RYR3: variants seen among roughly 807,000 people sequenced by gnomAD.
RYR3 encodes brain ryanodine receptor-calcium release channel.
In RYR3, 207 loss-of-function variants were observed where a neutral mutation model predicts 584.3. The observed-to-expected ratio is 0.35, with a 90% CI of 0.32 to 0.40. The LOEUF is 0.40. RYR3 is among the 10% of genes least tolerant of loss of function. The pLI is 1.00. For missense variants in RYR3, 5,616 were observed against 6,089.2 expected (o/e 0.92, Z 2.59); for synonymous variants, 2,416 against 2,248.5 (o/e 1.07, Z -2.11).
intron 17 of RYR3, among the ~76,000 whole-genome samples, chr15:33,602,868 C>T (rs977458421): frequency 3.3e-5 from 5 of 151,098 alleles, no homozygotes; most frequent in South Asian, 4.2e-4. Context: ...ACCTCACCCT[C>T]GCAAGTAGCT....
chr15:33,587,704 C>T (rs1015870128), intron 16 of RYR3, among the ~76,000 whole-genome samples: 4 of 152,284 alleles, frequency 2.6e-5, no homozygotes, highest in South Asian at 2.1e-4. Flanking sequence ...TTTTCAAAGA[C>T]GTTCCTTTTC....
intron 3 of RYR3, among the ~76,000 whole-genome samples, chr15:33,518,462 C>T (rs1295465737): frequency 6.6e-6 from 1 of 151,952 alleles, no homozygotes; most frequent in Non-Finnish European, 1.5e-5. Flanking sequence ...GCTGGCCGCT[C>T]CCCCTCCTCT....
chr15:33,749,194 C>G (rs1442870392), intron 55 of RYR3, among the ~76,000 whole-genome samples: 1 of 152,170 alleles, frequency 6.6e-6, no homozygotes, highest in East Asian at 1.9e-4. Context: ...AATGGAGGTG[C>G]TTGCTGGTCA....
In RYR3 at chr15:33,540,805, A is replaced by T. The variant is rs2055756292; in HGVS notation, c.561A>T (p.Ser187=). Residue 187 remains serine, a synonymous_variant, in exon 7 of 104, where the codon TCA becomes TCT. Coordinates refer to ENST00000634891, the MANE Select transcript of RYR3 (RefSeq NM_001036.6). Reference sequence around the variant, plus strand: ...TTCTGCTGCAGCATCTCTCAGTATCAAATGGTAACATACAAGTGGATGCCT... The same window carrying T: ...TTCTGCTGCAGCATCTCTCAGTATCTAATGGTAACATACAAGTGGATGCCT... The part of the protein sequence containing the change: ...SSERYLHLSV[S]NGNIQVDASF... 6.2e-7 allele frequency: 1 copy of T among 1,608,670 alleles called. No homozygotes were observed.
At chr15:33,783,096 CT>C (rs1160203806) in intron 65 of RYR3, among the ~76,000 whole-genome samples, 1 of 152,196 alleles carries the variant, frequency 6.6e-6, no homozygotes, top group African/African-American at 2.4e-5. Context: ...GCACACAAGA[CT>C]TTAGAATCTA....
rs1208006923 is a variant in RYR3, at chr15:33,853,562, A to G, written c.13679A>G (p.Asn4560Ser). The change falls in exon 96 of 104, where the codon AAC becomes AGC. Residue 4560 changes from asparagine (N) to serine (S), a missense_variant. This residue lies in a region of RYR3 where 918 missense variants were observed against 887.4 expected (regional missense o/e 1.03). Transcript: ENST00000634891. ...TGTCATCCTTTGCTTCAGGTGATCA[A>G]CAAGTATGGAGATCTCTACGGAGCA... ...WDKFVKRKVI[N>S]KYGDLYGAER... The G allele has an allele frequency of 1.9e-6, 3 of 1,613,608 alleles. No individual in the cohort carries two copies. The highest frequency in any genetic ancestry group is 1.7e-6 in the Non-Finnish European group (2 of 1,179,720).
At chr15:33,381,771 T>C (rs1030798984) in intron 1 of RYR3, among the ~76,000 whole-genome samples, 1 of 152,198 alleles carries the variant, frequency 6.6e-6, no homozygotes, top group Non-Finnish European at 1.5e-5. Context: ...GCTCACCCAC[T>C]TCAGCCTCCT....
chr15:33,326,119 C>T (rs920458617), intron 1 of RYR3, among the ~76,000 whole-genome samples: 1 of 152,012 alleles, frequency 6.6e-6, no homozygotes, highest in Non-Finnish European at 1.5e-5. Context: ...CTTTCTTACA[C>T]GAGTCTGTTG....
chr15:33,789,622 TTTTATATATATATATATATATA>T (rs1184802894), intron 67 of RYR3, among the ~76,000 whole-genome samples: 49 of 32,380 alleles, frequency 1.5e-3, no homozygotes, highest in East Asian at 7.0e-3. Context: ...CCAGGTTTTA[TTTTATATATATATATATATATA>T]TATATATATA....
chr15:33,643,214 C>T (rs1323703828), intron 27 of RYR3, among the ~76,000 whole-genome samples: 2 of 152,114 alleles, frequency 1.3e-5, no homozygotes, highest in Admixed American at 6.5e-5. Context: ...AACTCCAGCC[C>T]CTGCCTCATC....
intron 54 of RYR3, 89 bp downstream of exon 54, chr15:33,748,349 C>A (rs2070955611): frequency 6.5e-7 from 1 of 1,537,824 alleles, no homozygotes; most frequent in Non-Finnish European, 8.9e-7. Flanking sequence ...GTAGGTGGGA[C>A]CATCTAAGAT....
intron 1 of RYR3, among the ~76,000 whole-genome samples, chr15:33,408,227 A>G (rs1400194527): frequency 6.6e-6 from 1 of 152,184 alleles, no homozygotes; most frequent in Non-Finnish European, 1.5e-5. Flanking sequence ...CCTAATGCTT[A>G]GCTGACACTT....
chr15:33,757,982 C>A (rs528041159), intron 60 of RYR3, among the ~76,000 whole-genome samples: 1 of 152,172 alleles, frequency 6.6e-6, no homozygotes, highest in African/African-American at 2.4e-5. Flanking sequence ...GTGGGTGCAG[C>A]CCAAGGAGGG....
chr15:33,646,993 C>T (rs1267291716), intron 29 of RYR3, among the ~76,000 whole-genome samples: 2 of 152,204 alleles, frequency 1.3e-5, no homozygotes, highest in Non-Finnish European at 2.9e-5. Context: ...ATATCCCTTG[C>T]TGTCTTTCTT....
In RYR3 at chr15:33,473,538, G is replaced by A; in HGVS notation, c.171G>A (p.Lys57=). 1 of 1,613,982 alleles carries A rather than the reference G, an allele frequency of 6.2e-7. No homozygotes were observed. Among genetic ancestry groups the A allele is most frequent in the Non-Finnish European group, 8.5e-7 (1 of 1,179,862 alleles). The part of the protein sequence containing the change: ...LCFLEPTSEA[K]YIPPDLCVCN... ...TCTTGGAACCCACTTCAGAAGCCAA[G>A]GTGAGATTGGCTGTCCGCCCTACAC... The change falls in exon 2 of 104, where the codon AAG becomes AAA. Residue 57 remains lysine, a splice_region_variant and synonymous_variant. Transcript: ENST00000634891.
At chr15:33,805,424 G>A (rs2076130733) in intron 69 of RYR3, among the ~76,000 whole-genome samples, 1 of 150,788 alleles carries the variant, frequency 6.6e-6, no homozygotes, top group Non-Finnish European at 1.5e-5. Context: ...GAATTTTCTT[G>A]CTCATTCTCC....
chr15:33,321,411 A>G (rs1177137625), intron 1 of RYR3, among the ~76,000 whole-genome samples: 3 of 152,130 alleles, frequency 2.0e-5, no homozygotes, highest in Non-Finnish European at 4.4e-5. Context: ...CCTCCTCTCT[A>G]TCAAACCTTA....
At chr15:33,710,302 A>AAG (rs145403699) in intron 43 of RYR3, among the ~76,000 whole-genome samples, 5 of 151,212 alleles carry the variant, frequency 3.3e-5, no homozygotes, top group Admixed American at 3.3e-4. Context: ...AAGCAGGAGG[A>AAG]AGAGAGAGAG....
chr15:33,496,058 C>T (rs762196258), intron 2 of RYR3, among the ~76,000 whole-genome samples: 1 of 152,150 alleles, frequency 6.6e-6, no homozygotes, highest in Admixed American at 6.5e-5. Context: ...TATCCAGTTC[C>T]ACTGTACCCC....
Sources: gnomAD v4.1 joint callset for allele counts (sites outside exome capture counted in the v4.1 genomes callset) on GRCh38, gnomAD v4.1.1 for gene constraint, gnomAD v4.1.1 regional missense constraint, MANE v1.5 for transcripts, NCBI Gene and HGNC (gene_info 2026-07-23, HGNC 2026-07-21) for gene names.